Variants in ERCC1 observed in about 807,000 individuals in gnomAD.
ERCC1 encodes DNA excision repair protein ERCC-1.
A neutral mutation model predicts 37.6 loss-of-function variants in ERCC1; 36 were observed. The observed-to-expected ratio is 0.96, with a 90% CI of 0.73 to 1.26. The LOEUF is 1.26. ERCC1 is among the 50% of genes most tolerant of loss of function. ERCC1 has a pLI of 0.00. For synonymous variants in ERCC1, 156 were observed against 162.1 expected (o/e 0.96, Z 0.28); for missense variants, 349 against 376.5 (o/e 0.93, Z 0.60).
intron 1 of ERCC1, among the ~76,000 whole-genome samples, chr19:45,446,922 C>A (rs1035491289): frequency 1.3e-5 from 2 of 152,042 alleles, no homozygotes; most frequent in Non-Finnish European, 2.9e-5. Flanking sequence ...CATTTGAACC[C>A]GGGAGGTGGA....
intron 1 of ERCC1, among the ~76,000 whole-genome samples, chr19:45,432,937 G>A (rs1157375041): frequency 1.3e-5 from 2 of 152,068 alleles, no homozygotes; most frequent in Non-Finnish European, 1.5e-5. Flanking sequence ...AAAATTAGCC[G>A]GGCATGGTGG....
rs1974375089 is a variant in ERCC1, at chr19:45,420,863, T to C, written c.321+315A>G. On this transcript the variant is annotated intron_variant, in intron 3 of 9. Transcript: ENST00000300853. This position sits in a 1 kb window ranked among gnomAD's most constrained non-coding sequence, Gnocchi z 4.8. ...GTCTCGAACTCCTGACCTCAGGTGA[T>C]CCACCTGCCTCAGCCTCTCCAAAGT... 6.6e-6 allele frequency among the ~76,000 whole-genome samples: 1 copy of C among 152,108 alleles called. No individual in the cohort carries two copies. The highest frequency in any genetic ancestry group is 2.4e-5 in the African/African-American group (1 of 41,424).
chr19:45,426,491 C>T (rs573196873), upstream of ERCC1, among the ~76,000 whole-genome samples: 16 of 148,094 alleles, frequency 1.1e-4, no homozygotes, highest in Non-Finnish European at 1.6e-4. Flanking sequence ...GCAAAGGTTG[C>T]GGTGAGCTGA....
At chr19:45,438,671 T>G in intron 1 of ERCC1, among the ~76,000 whole-genome samples, 1 of 151,846 alleles carries the variant, frequency 6.6e-6, no homozygotes, top group East Asian at 2.0e-4. Context: ...GACAGAGTTT[T>G]GTTCTTTTTG....
At chr19:45,419,334 A>ACC in intron 4 of ERCC1, 137 bp from the exon 5 acceptor site, 1 of 695,204 alleles carries the variant, frequency 1.4e-6, no homozygotes, top group Admixed American at 2.1e-5. Flanking sequence ...ACAGAGGGTA[A>ACC]GTCACTTGCC....
In ERCC1 at chr19:45,408,998, A is replaced by C; in HGVS notation, c.*677T>G. 6.2e-7 allele frequency: 1 copy of C among 1,614,104 alleles called. No individual in the cohort carries two copies. The highest frequency in any genetic ancestry group is 8.5e-7 in the Non-Finnish European group (1 of 1,180,020). ...ACAGATGGCAATGATGGAGCCAGGG[A>C]CGGAGGCGATGGAGCCAGTGGAGCC... is the stretch of plus-strand genomic sequence containing the variant. On this transcript the variant is annotated 3_prime_UTR_variant, in exon 10 of 10. Transcript: ENST00000300853.
At chr19:45,440,910 T>G (rs1975103845) in intron 1 of ERCC1, among the ~76,000 whole-genome samples, 1 of 152,118 alleles carries the variant, frequency 6.6e-6, no homozygotes, top group Non-Finnish European at 1.5e-5. Flanking sequence ...ATTTTTCATT[T>G]TTTTGTAGAG....
rs1973442941 is a variant in ERCC1, at chr19:45,407,971, T to G, written c.*1704A>C. On this transcript the variant is annotated 3_prime_UTR_variant, in exon 10 of 10. Coordinates refer to ENST00000300853, the MANE Select transcript of ERCC1 (RefSeq NM_001983.4). ...TGAGAGGCTGAGGCAGGAGAATCGC[T>G]TGAACCCAGGAGGTGGACATTGCAG... 1.1e-6 allele frequency: 1 copy of G among 927,794 alleles called. No homozygotes were observed. Among genetic ancestry groups the G allele is most frequent in the South Asian group, 2.5e-5 (1 of 39,760 alleles). 57.5% of individuals were successfully genotyped at this position (927,794 alleles called of 1,614,324 possible). A position where few individuals can be genotyped will look rare whatever the true frequency, so the allele number is the denominator to read the frequency against.
At chr19:45,409,895 A>ATTATTTTT (rs1555785258) in intron 9 of ERCC1, 170 bp from the exon 10 acceptor site, 326 of 171,614 alleles carry the variant, frequency 1.9e-3, no homozygotes, top group Middle Eastern at 6.6e-3. Context: ...TATTATTATT[A>ATTATTTTT]TTTTTTTTTT....
intron 9 of ERCC1, chr19:45,410,561 TTC>T (rs1456624968): frequency 2.7e-5 from 2 of 75,258 alleles, no homozygotes; most frequent in Middle Eastern, 5.7e-3. Context: ...TATTCATTCT[TTC>T]TTTGTGTGTG....
At chr19:45,425,830 T>C (rs1974675546), upstream of ERCC1, among the ~76,000 whole-genome samples, 1 of 152,252 alleles carries the variant, frequency 6.6e-6, no homozygotes, top group Admixed American at 6.5e-5. Context: ...ACATTTCTGT[T>C]ATGTTCATTG....
upstream of ERCC1, among the ~76,000 whole-genome samples, chr19:45,425,082 A>ATTTTTT (rs35314737): frequency 3.2e-4 from 38 of 116,942 alleles, no homozygotes; most frequent in East Asian, 4.9e-4. Context: ...TGCCCGGCTA[A>ATTTTTT]TTTTTTTTTT....
chr19:45,438,924 A>T (rs1163230994), intron 1 of ERCC1, among the ~76,000 whole-genome samples: 1 of 152,144 alleles, frequency 6.6e-6, no homozygotes, highest in African/African-American at 2.4e-5. Flanking sequence ...TACAGGTGTG[A>T]ACCACCGCGC....
chr19:45,449,791 C>T (rs890918311), intron 1 of ERCC1, among the ~76,000 whole-genome samples: 3 of 152,098 alleles, frequency 2.0e-5, no homozygotes, highest in African/African-American at 7.2e-5. Context: ...ATGGTGAAAC[C>T]TCGTCCCTAC....
At chr19:45,419,587 G>A (rs578202951) in intron 4 of ERCC1, 2 of 296,868 alleles carry the variant, frequency 6.7e-6, no homozygotes, top group South Asian at 6.8e-5. Flanking sequence ...TACGGTGAGG[G>A]CTTCATGACC....
chr19:45,436,300 A>G lies in ERCC1; in HGVS notation c.-7-12919T>C, dbSNP rs1230047957. 2.6e-5 allele frequency among the ~76,000 whole-genome samples: 4 copies of G among 152,304 alleles called. No homozygotes were observed. In the East Asian group the frequency reaches 7.7e-4, roughly 29 times the overall value. ...TTGCATTAGTTTCTTAACGGCTACT[A>G]TAACAAATTATCCCCAATTCAGTGA... On this transcript the variant is annotated intron_variant, in intron 1 of 8. Transcript: ENST00000423698.
chr19:45,428,513 A>C (rs946161649), upstream of ERCC1, among the ~76,000 whole-genome samples: 1 of 152,154 alleles, frequency 6.6e-6, no homozygotes, highest in African/African-American at 2.4e-5. Flanking sequence ...TCTTTCTTCC[A>C]AACGCCCCAA....
Position 45,423,869 on chromosome 19 carries a change from C to T in ERCC1, c.-96G>A. On this transcript the variant is annotated 5_prime_UTR_variant, in exon 1 of 10. Transcript: ENST00000300853. ...GGGAAAGACTGCAGAGGGATCGAGG[C>T]GGCCCACTGCCAGCACGGCCAGCGT... 2 of 1,106,226 alleles carry T rather than the reference C, an allele frequency of 1.8e-6. No individual in the cohort carries two copies. The highest frequency in any genetic ancestry group is 4.5e-5 in the East Asian group (1 of 22,370). 68.5% of individuals were successfully genotyped at this position (1,106,226 alleles called of 1,614,324 possible). A position where few individuals can be genotyped will look rare whatever the true frequency, so the allele number is the denominator to read the frequency against.
At chr19:45,414,056 G>T in intron 7 of ERCC1, 22 bp from the exon 8 acceptor site, 8 of 1,606,034 alleles carry the variant, frequency 5.0e-6, no homozygotes, top group Non-Finnish European at 6.8e-6. Context: ...GGAGGCAGGA[G>T]TGTGTCGGAA....
Sources: gnomAD v4.1 joint callset for allele counts (sites outside exome capture counted in the v4.1 genomes callset) on GRCh38, gnomAD v4.1.1 for gene constraint, Gnocchi (gnomAD v3.1) non-coding constraint, MANE v1.5 for transcripts, NCBI Gene and HGNC (gene_info 2026-07-23, HGNC 2026-07-21) for gene names.